TMEM154: variants seen among roughly 807,000 people sequenced by gnomAD.
The protein encoded by TMEM154 is transmembrane protein 154.
A neutral mutation model predicts 24.5 loss-of-function variants in TMEM154; 27 were observed. The observed-to-expected ratio is 1.10, with a 90% CI of 0.81 to 1.52. The LOEUF (loss-of-function observed/expected upper bound fraction) is 1.52. TMEM154 is among the 40% of genes most tolerant of loss of function. The pLI is 0.00. For missense variants in TMEM154, 228 were observed against 213.4 expected (o/e 1.07, Z -0.43); for synonymous variants, 67 against 76.8 (o/e 0.87, Z 0.67).
At chr4:152,641,283 T>C in intron 5 of TMEM154, 1 of 336,770 alleles carries the variant, frequency 3.0e-6, no homozygotes, top group Non-Finnish European at 5.4e-6. Flanking sequence ...AGCTAGAATC[T>C]GCATGTCTCA....
chr4:152,638,646 C>G (rs1752194328), intron 6 of TMEM154, among the ~76,000 whole-genome samples: 1 of 152,052 alleles, frequency 6.6e-6, no homozygotes. Flanking sequence ...TTGTTCTGGG[C>G]TTTGTTCTAA....
intron 6 of TMEM154, 138 bp from the exon 7 acceptor site, chr4:152,628,699 C>T (rs1312841370): frequency 5.2e-5 from 58 of 1,114,272 alleles, no homozygotes; most frequent in Middle Eastern, 3.2e-4. Context: ...CGCAGTGGCA[C>T]AATCTCGGCC....
At chr4:152,648,149 A>C (rs1248224294) in intron 3 of TMEM154, among the ~76,000 whole-genome samples, 1 of 152,206 alleles carries the variant, frequency 6.6e-6, no homozygotes, top group Non-Finnish European at 1.5e-5. Flanking sequence ...GATGGTAATT[A>C]ATTTTTCCTA....
chr4:152,620,516 TG>T lies in TMEM154; in HGVS notation c.*8029del, dbSNP rs66755238. 0.05 allele frequency: 3,748 copies of T among 75,606 alleles called. 43 individuals carry two copies. Among genetic ancestry groups the T allele is most frequent in the East Asian group, 0.08 (174 of 2,168 alleles). The allele number at this position is 75,606 out of a possible 1,614,324, so 4.7% of individuals were successfully genotyped here. A position where few individuals can be genotyped will look rare whatever the true frequency, so the allele number is the denominator to read the frequency against. On this transcript the variant is annotated 3_prime_UTR_variant, in exon 7 of 7. Transcript: ENST00000304385. ...ACAATGACTGAAACTTTTTTTTGTT[TG>T]TTTTTTTGTTGTTTTTTTTTAGACA...
intron 6 of TMEM154, among the ~76,000 whole-genome samples, chr4:152,631,971 AT>A (rs1272818934): frequency 1.3e-5 from 2 of 151,210 alleles, no homozygotes; most frequent in African/African-American, 4.9e-5. Flanking sequence ...TGCCCGGCTA[AT>A]TTTTTTGTAC....
chr4:152,638,917 C>T (rs557425643), intron 6 of TMEM154, among the ~76,000 whole-genome samples: 1 of 152,200 alleles, frequency 6.6e-6, no homozygotes, highest in African/African-American at 2.4e-5. Context: ...TATGTGAAGG[C>T]TCTAGCTCAT....
chr4:152,656,032 A>T (rs1193112243), intron 1 of TMEM154, among the ~76,000 whole-genome samples: 1 of 152,182 alleles, frequency 6.6e-6, no homozygotes, highest in East Asian at 1.9e-4. Context: ...GCACCACAGC[A>T]TTCCTCCCAG....
At chr4:152,679,646 T>C (rs961376879) in intron 1 of TMEM154, among the ~76,000 whole-genome samples, 1 of 151,846 alleles carries the variant, frequency 6.6e-6, no homozygotes, top group Non-Finnish European at 1.5e-5. Flanking sequence ...TGAAAGAGGG[T>C]TAAATGAAGT....
chr4:152,652,428 T>G, intron 3 of TMEM154, 110 bp downstream of exon 3: 1 of 1,479,340 alleles, frequency 6.8e-7, no homozygotes, highest in Non-Finnish European at 9.0e-7. Context: ...TTGAAATGTA[T>G]TATTTATCAC....
At chr4:152,630,782 C>T (rs1333769262) in intron 6 of TMEM154, among the ~76,000 whole-genome samples, 2 of 152,136 alleles carry the variant, frequency 1.3e-5, no homozygotes, top group Non-Finnish European at 2.9e-5. Context: ...ACTACATTAA[C>T]ATTTTGGTAT....
intron 1 of TMEM154, among the ~76,000 whole-genome samples, chr4:152,672,980 G>A (rs2149791190): frequency 6.6e-6 from 1 of 152,314 alleles, no homozygotes; most frequent in East Asian, 1.9e-4. Context: ...AAAGGAAGCT[G>A]GCTGGGTTTG....
intron 1 of TMEM154, among the ~76,000 whole-genome samples, chr4:152,656,603 G>A (rs1272040460): frequency 2.0e-5 from 3 of 152,086 alleles, no homozygotes; most frequent in Admixed American, 1.3e-4. Context: ...CTTTCATAGG[G>A]GAGAACTTTT....
rs1561051612 is a variant in TMEM154, at chr4:152,652,695, T to C, written c.297A>G (p.Thr99=). 1 of 1,613,816 alleles carries C rather than the reference T, an allele frequency of 6.2e-7. No homozygotes were observed. Among genetic ancestry groups the C allele is most frequent in the East Asian group, 2.2e-5 (1 of 44,840 alleles). ...GTTTAGTTCTTTTTCTTTTATAGTA[T>C]GTTGCAAGGAATACCACGGATAAAA... ...LLLLSVVFLA[T]YYKRKRTKQE... The change falls in exon 2 of 7, where the codon ACA becomes ACG. Residue 99 remains threonine, a synonymous_variant. Transcript: ENST00000304385.
chr4:152,671,428 G>A (rs2149790687), intron 1 of TMEM154, among the ~76,000 whole-genome samples: 1 of 152,260 alleles, frequency 6.6e-6, no homozygotes, highest in Middle Eastern at 3.4e-3. Context: ...TGAGACTAGA[G>A]GCAAGAAGAC....
Position 152,626,131 on chromosome 4 carries a change from T to G in TMEM154, c.*2415A>C, listed in dbSNP as rs2149775886. The G allele has an allele frequency of 6.5e-6, 1 of 152,730 alleles. No individual in the cohort carries two copies. Among genetic ancestry groups the G allele is most frequent in the South Asian group, 2.1e-4 (1 of 4,822 alleles). 9.5% of individuals were successfully genotyped at this position (152,730 alleles called of 1,614,324 possible). ...GTCATGAATGGGTATTTTTACATAT[T>G]TATTAAAACAAGTTTCCTGAGAAGT... On this transcript the variant is annotated 3_prime_UTR_variant, in exon 7 of 7. Coordinates refer to ENST00000304385, the MANE Select transcript of TMEM154 (RefSeq NM_152680.3).
chr4:152,665,788 CTTTT>C (rs560197111), intron 1 of TMEM154, among the ~76,000 whole-genome samples: 4 of 127,104 alleles, frequency 3.1e-5, no homozygotes, highest in African/African-American at 3.0e-5. Context: ...CAAGAATTTG[CTTTT>C]TTTTTTTTTT....
rs1364618268 is a variant in TMEM154 at position 152,623,513 on chromosome 4, A to G, written c.*5033T>C. On this transcript the variant is annotated 3_prime_UTR_variant, in exon 7 of 7. Coordinates refer to ENST00000304385, the MANE Select transcript of TMEM154 (RefSeq NM_152680.3). ...CATTGCTTACTCTCCACTGATTTGT[A>G]CACTGGAAAAATGTTGTTTGCTGCA... The G allele has an allele frequency of 6.6e-6, 1 of 152,194 alleles. No individual in the cohort carries two copies. The highest frequency in any genetic ancestry group is 1.5e-5 in the Non-Finnish European group (1 of 68,036). The allele number at this position is 152,194 out of a possible 1,614,324, so 9.4% of individuals were successfully genotyped here.
Position 152,676,048 on chromosome 4 carries a change from G to A in TMEM154, c.64+3822C>T, listed in dbSNP as rs115705430. Among the ~76,000 whole-genome samples the A allele has an allele frequency of 7.7e-3, 1,169 of 152,164 alleles. 14 individuals carry two copies. Among genetic ancestry groups the A allele is most frequent in the African/African-American group, 0.026 (1,084 of 41,498 alleles). ...CTGACATAAGGCTGTTCTTCTCCTCGCTGGTTCCCACACCCTGAAGCCTCT... is the reference window on the plus strand; with the variant it reads ...CTGACATAAGGCTGTTCTTCTCCTCACTGGTTCCCACACCCTGAAGCCTCT... On this transcript the variant is annotated intron_variant, in intron 1 of 6. Coordinates refer to ENST00000304385, the MANE Select transcript of TMEM154 (RefSeq NM_152680.3).
intron 1 of TMEM154, among the ~76,000 whole-genome samples, chr4:152,655,238 CCTT>C (rs1291003435): frequency 1.3e-5 from 2 of 152,196 alleles, no homozygotes; most frequent in African/African-American, 4.8e-5. Flanking sequence ...AATAAGGCAT[CCTT>C]CTTGGCTGAG....
Sources: allele counts gnomAD v4.1 joint callset (sites outside exome capture counted in the v4.1 genomes callset), GRCh38; gene constraint gnomAD v4.1.1; transcripts MANE v1.5; gene names NCBI Gene and HGNC (gene_info 2026-07-23, HGNC 2026-07-21).